CDS1: variants seen among roughly 807,000 people sequenced by gnomAD.
The protein encoded by CDS1 is CDP-diacylglycerol synthase 1.
CDS1 carries 41 observed loss-of-function variants against 62.1 expected under a neutral mutation model. That is an observed-to-expected ratio of 0.66 (90% CI 0.51 to 0.86). The LOEUF (loss-of-function observed/expected upper bound fraction) is 0.86, where lower values mean the gene tolerates loss of function less well. Among genes scored for constraint, CDS1 ranks in the 40% least tolerant of loss-of-function variants. The pLI is 0.00. For synonymous variants in CDS1, 185 were observed against 192.6 expected, an observed-to-expected ratio of 0.96 and a Z score of 0.32; for missense variants, 470 against 550.1, an observed-to-expected ratio of 0.85 and a Z score of 1.46.
chr4:84,638,606 TG>T (rs1724286073), intron 8 of CDS1, among the ~76,000 whole-genome samples: 2 of 152,154 alleles, frequency 1.3e-5, no homozygotes, highest in Admixed American at 1.3e-4. Flanking sequence ...ATAAGAGTCA[TG>T]GGACAGTTAT....
intron 9 of CDS1, among the ~76,000 whole-genome samples, 161 bp downstream of exon 9, chr4:84,639,153 C>T (rs1233868645): frequency 6.6e-6 from 1 of 152,182 alleles, no homozygotes; most frequent in Non-Finnish European, 1.5e-5. Flanking sequence ...CAGCCCTTAT[C>T]CTGGCTACAT....
chr4:84,639,623 A>AT (rs1450431449), intron 9 of CDS1, among the ~76,000 whole-genome samples: 1 of 152,150 alleles, frequency 6.6e-6, no homozygotes, highest in African/African-American at 2.4e-5. Context: ...ATATAAGATA[A>AT]ATGTACAAAA....
chr4:84,624,319 T>A (rs940905413), intron 5 of CDS1, among the ~76,000 whole-genome samples: 22 of 151,178 alleles, frequency 1.5e-4, no homozygotes, highest in Non-Finnish European at 3.0e-4. Context: ...TTTTTTTTTT[T>A]AAATGAAAAT....
At chr4:84,626,661 A>G (rs764286647) in intron 5 of CDS1, among the ~76,000 whole-genome samples, 1 of 152,208 alleles carries the variant, frequency 6.6e-6, no homozygotes, top group Admixed American at 6.5e-5. Context: ...CTTCCAGTAT[A>G]AAACAGGCAT....
At chr4:84,629,977 G>A (rs1232139200) in intron 5 of CDS1, among the ~76,000 whole-genome samples, 2 of 152,162 alleles carry the variant, frequency 1.3e-5, no homozygotes, top group Admixed American at 1.3e-4. Context: ...TGTGCTGGGA[G>A]AGTCAAGGGG....
intron 1 of CDS1, among the ~76,000 whole-genome samples, chr4:84,598,467 A>G (rs1053822990): frequency 7.9e-5 from 12 of 151,208 alleles, no homozygotes; most frequent in African/African-American, 2.7e-4. Flanking sequence ...CACAACGTGC[A>G]GGTTTGTTAC....
At chr4:84,629,092 G>A (rs1444024096) in intron 5 of CDS1, among the ~76,000 whole-genome samples, 4 of 152,072 alleles carry the variant, frequency 2.6e-5, no homozygotes, top group Non-Finnish European at 5.9e-5. Context: ...AGTTATACAA[G>A]CATTCTTTGT....
intron 1 of CDS1, among the ~76,000 whole-genome samples, chr4:84,602,996 C>T (rs973068411): frequency 3.9e-5 from 6 of 152,146 alleles, no homozygotes; most frequent in Non-Finnish European, 7.4e-5. Context: ...ACTGAAAATA[C>T]TCCCGAAGAC....
In CDS1 at chr4:84,650,781, A is replaced by G. The variant is rs1724709393; in HGVS notation, c.*2095A>G. Reference sequence around the variant, plus strand: ...TATCCTATATGTAAAAAAGCAAATTATTAATTTTAATGGAGCTCTCGATTG... The same window carrying G: ...TATCCTATATGTAAAAAAGCAAATTGTTAATTTTAATGGAGCTCTCGATTG... On this transcript the variant is annotated 3_prime_UTR_variant, in exon 13 of 13. Transcript: ENST00000295887. The G allele has an allele frequency of 1.3e-5, 2 of 152,228 alleles. No homozygotes were observed. The highest frequency in any genetic ancestry group is 2.9e-5 in the Non-Finnish European group (2 of 68,032). 9.4% of individuals were successfully genotyped at this position (152,228 alleles called of 1,614,324 possible). A position where few individuals can be genotyped will look rare whatever the true frequency, so the allele number is the denominator to read the frequency against.
chr4:84,599,397 C>T lies in CDS1; in HGVS notation c.118-4846C>T, dbSNP rs971263409. Among the ~76,000 whole-genome samples, 68 of 13,136 alleles carry T rather than the reference C, an allele frequency of 5.2e-3. 1 individual carries two copies. The highest frequency in any genetic ancestry group is 0.012 in the African/African-American group (64 of 5,240). 8.6% of individuals were successfully genotyped at this position (13,136 alleles called of 152,430 possible). On this transcript the variant is annotated intron_variant, in intron 1 of 12. Coordinates refer to ENST00000295887, the MANE Select transcript of CDS1 (RefSeq NM_001263.4). ...AAATATAATTTGGCAAATTTTGACA[C>T]ACACACACATATATATATATATATA...
At chr4:84,621,573 T>A (rs999923158) in intron 5 of CDS1, among the ~76,000 whole-genome samples, 41 of 152,186 alleles carry the variant, frequency 2.7e-4, no homozygotes, top group African/African-American at 9.7e-4. Flanking sequence ...AGGTTTTTTG[T>A]TACTTTTTAA....
rs1367151162 is a variant in CDS1 at position 84,620,209 on chromosome 4, G to T, written c.580+676G>T. 4.1e-5 allele frequency among the ~76,000 whole-genome samples: 6 copies of T among 148,044 alleles called. No homozygotes were observed. The South Asian group carries it at 8.5e-4, about 21-fold the overall frequency. The stretch of plus-strand genomic sequence containing the variant: ...GCTTTTTCATGTAGAACTAATCAGG[G>T]TAATTAGTTGTTTTTTTTTTTTTTT... On this transcript the variant is annotated intron_variant, in intron 5 of 12. Coordinates refer to ENST00000295887, the MANE Select transcript of CDS1 (RefSeq NM_001263.4).
In CDS1 at chr4:84,627,074, A is replaced by G. The variant is rs949599920; in HGVS notation, c.581-4745A>G. On this transcript the variant is annotated intron_variant, in intron 5 of 12. Transcript: ENST00000295887. ...ATGTTGTAGAAATCTTTGGAATCCA[A>G]GTCTTTCTGTTAAACAATATTCCAA... Among the ~76,000 whole-genome samples the G allele has an allele frequency of 2.0e-5, 3 of 152,224 alleles. No homozygotes were observed. In the South Asian group the frequency reaches 6.2e-4, roughly 31 times the overall value.
intron 10 of CDS1, 30 bp from the exon 11 acceptor site, chr4:84,642,994 C>T (rs766091420): frequency 6.4e-7 from 1 of 1,561,370 alleles, no homozygotes; most frequent in South Asian, 1.2e-5. Flanking sequence ...TGAAATTAGC[C>T]CCTCTCCTCC....
chr4:84,620,142 A>T (rs1253387005), intron 5 of CDS1, among the ~76,000 whole-genome samples: 2 of 151,702 alleles, frequency 1.3e-5, no homozygotes, highest in East Asian at 3.9e-4. Context: ...TTATGAAAAA[A>T]CTTTCACATA....
rs754246149 is a variant in CDS1 at position 84,639,026 on chromosome 4, T to G, written c.879+34T>G. 5 of 1,053,134 alleles carry G rather than the reference T, an allele frequency of 4.7e-6. No homozygotes were observed. The East Asian group carries it at 1.3e-4, about 28-fold the overall frequency. The allele number at this position is 1,053,134 out of a possible 1,614,324, so 65.2% of individuals were successfully genotyped here. On this transcript the variant is annotated intron_variant, in intron 9 of 12. Coordinates refer to ENST00000295887, the MANE Select transcript of CDS1 (RefSeq NM_001263.4). ...TACTAAGATTTTTATTTTGTATACA[T>G]TTCGAAATATGATACCAAGCTTACT...
At chr4:84,615,817 C>T (rs1199977049) in intron 3 of CDS1, among the ~76,000 whole-genome samples, 1 of 152,128 alleles carries the variant, frequency 6.6e-6, no homozygotes, top group Non-Finnish European at 1.5e-5. Context: ...TACATTGCTA[C>T]CAGTGTTGAT....
At chr4:84,606,305 A>AGTGTGTGTGTGTGT (rs60828105) in intron 2 of CDS1, among the ~76,000 whole-genome samples, 1 of 146,408 alleles carries the variant, frequency 6.8e-6, no homozygotes, top group Non-Finnish European at 1.5e-5. Flanking sequence ...TTTCTTGTGC[A>AGTGTGTGTGTGTGT]GTGTGTGTGT....
chr4:84,616,507 G>A (rs143521407), intron 3 of CDS1, among the ~76,000 whole-genome samples: 92 of 152,280 alleles, frequency 6.0e-4, no homozygotes, highest in African/African-American at 2.1e-3. Flanking sequence ...GGACCAGATA[G>A]TAATATTTTA....
Sources: gnomAD v4.1 joint callset for allele counts (sites outside exome capture counted in the v4.1 genomes callset) on GRCh38, gnomAD v4.1.1 for gene constraint, MANE v1.5 for transcripts, NCBI Gene and HGNC (gene_info 2026-07-23, HGNC 2026-07-21) for gene names.